PDE4B: variants seen among roughly 807,000 people sequenced by gnomAD.
PDE4B encodes the protein 3',5'-cyclic-AMP phosphodiesterase 4B.
In PDE4B, 20 loss-of-function variants were observed where a neutral mutation model predicts 82.2. The ratio of observed to expected loss-of-function variants is 0.24; its 90% CI spans 0.17 to 0.35. The LOEUF is 0.35. Ranked by LOEUF, PDE4B falls within the 10% of genes least tolerant of loss-of-function variation. PDE4B has a pLI of 1.00. For synonymous variants in PDE4B, 320 were observed against 318.9 expected, an observed-to-expected ratio of 1.00 and a Z score of -0.04; for missense variants, 655 against 907.2, an observed-to-expected ratio of 0.72 and a Z score of 3.57.
At chr1:66,014,524 G>A (rs1652664440) in intron 3 of PDE4B, among the ~76,000 whole-genome samples, 1 of 152,018 alleles carries the variant, frequency 6.6e-6, no homozygotes, top group Non-Finnish European at 1.5e-5. Flanking sequence ...ATCTTTTGCA[G>A]TATGTTTTGT....
At chr1:66,124,372 A>G (rs1645775930) in intron 3 of PDE4B, among the ~76,000 whole-genome samples, 1 of 152,220 alleles carries the variant, frequency 6.6e-6, no homozygotes, top group Admixed American at 6.5e-5. Context: ...TTCTGGTTCT[A>G]GAAAGAACAC....
At chr1:66,320,106 A>T (rs1159081640) in intron 7 of PDE4B, among the ~76,000 whole-genome samples, 1 of 152,148 alleles carries the variant, frequency 6.6e-6, no homozygotes, top group African/African-American at 2.4e-5. Flanking sequence ...CCATTGCCTT[A>T]CCTCATTTTC....
chr1:66,036,026 G>A (rs750003090), intron 3 of PDE4B, among the ~76,000 whole-genome samples: 1 of 152,030 alleles, frequency 6.6e-6, no homozygotes, highest in Non-Finnish European at 1.5e-5. Context: ...CATCTTGATA[G>A]TAGCCACCGT....
At chr1:66,130,384 G>A (rs150165999) in intron 3 of PDE4B, among the ~76,000 whole-genome samples, 192 of 152,254 alleles carry the variant, frequency 1.3e-3, no homozygotes, top group African/African-American at 4.2e-3. Context: ...TTATTTAGTG[G>A]TGAGTGCCAG....
At chr1:65,819,264 AG>A (rs558886582) in intron 1 of PDE4B, among the ~76,000 whole-genome samples, 11 of 152,286 alleles carry the variant, frequency 7.2e-5, no homozygotes, top group South Asian at 6.2e-4. Context: ...AATCTATCAT[AG>A]ATAACCCAAC....
chr1:66,105,318 T>C (rs1270513156), intron 3 of PDE4B, among the ~76,000 whole-genome samples: 2 of 151,702 alleles, frequency 1.3e-5, no homozygotes, highest in East Asian at 1.9e-4. Context: ...TTGGTACCAG[T>C]ACCATGCTAT....
At chr1:65,856,344 C>G (rs367556469) in intron 1 of PDE4B, among the ~76,000 whole-genome samples, 1 of 152,276 alleles carries the variant, frequency 6.6e-6, no homozygotes, top group East Asian at 1.9e-4. Flanking sequence ...GCCCCACCCC[C>G]ACAACAGGCC....
intron 7 of PDE4B, among the ~76,000 whole-genome samples, chr1:66,270,648 C>T (rs1655408807): frequency 6.6e-6 from 1 of 152,202 alleles, no homozygotes; most frequent in Non-Finnish European, 1.5e-5. Context: ...AGAACCTTTG[C>T]TTGGTTTCTA....
intron 1 of PDE4B, among the ~76,000 whole-genome samples, chr1:65,795,480 CTG>C (rs1223733477): frequency 6.6e-6 from 1 of 152,262 alleles, no homozygotes; most frequent in Non-Finnish European, 1.5e-5. Flanking sequence ...ACAGTGGACA[CTG>C]TGATGTGCCA....
intron 3 of PDE4B, among the ~76,000 whole-genome samples, chr1:66,106,394 T>A (rs991881525): frequency 1.3e-5 from 2 of 152,022 alleles, no homozygotes; most frequent in South Asian, 2.1e-4. Context: ...TTGGTCTAAA[T>A]TTCTCTTTTT....
chr1:65,893,691 A>T (rs1646877506), intron 1 of PDE4B, among the ~76,000 whole-genome samples: 1 of 152,102 alleles, frequency 6.6e-6, no homozygotes, highest in Non-Finnish European at 1.5e-5. Flanking sequence ...AAACATGCAC[A>T]CATGTTTATA....
rs751719874 is a variant in PDE4B at position 66,355,583 on chromosome 1, G to C, written c.804G>C (p.Gly268=). ...LTHLSEMSRS[G]NQVSEYISNT... ...ACCTCTCAGAGATGAGCCGATCAGG[G>C]AACCAGGTGTCTGAATACATTTCAA... Residue 268 remains glycine, a synonymous_variant, in exon 9 of 17, where the codon GGG becomes GGC. Coordinates refer to ENST00000341517, the MANE Select transcript of PDE4B (RefSeq NM_002600.4). 6.2e-7 allele frequency: 1 copy of C among 1,611,872 alleles called. No homozygotes were observed. The highest frequency in any genetic ancestry group is 8.5e-7 in the Non-Finnish European group (1 of 1,178,196).
intron 3 of PDE4B, among the ~76,000 whole-genome samples, chr1:66,074,323 T>C (rs535528421): frequency 6.6e-6 from 1 of 152,270 alleles, no homozygotes; most frequent in East Asian, 1.9e-4. Context: ...CAATAATTAT[T>C]TTATCTCCTT....
chr1:66,057,456 T>C (rs969353749), intron 3 of PDE4B, among the ~76,000 whole-genome samples: 4 of 152,184 alleles, frequency 2.6e-5, no homozygotes, highest in African/African-American at 9.7e-5. Context: ...TTTTAAAGAA[T>C]GGAAGCCTTT....
intron 3 of PDE4B, among the ~76,000 whole-genome samples, chr1:66,207,656 G>A (rs950509523): frequency 1.3e-4 from 20 of 152,044 alleles, no homozygotes; most frequent in Non-Finnish European, 4.4e-5. Flanking sequence ...TACACAAAGG[G>A]GAAAAAAACT....
intron 3 of PDE4B, among the ~76,000 whole-genome samples, chr1:66,062,545 C>T (rs1266290538): frequency 2.0e-5 from 3 of 151,968 alleles, no homozygotes. Flanking sequence ...CAAAGAGCTT[C>T]CCAACAAATA....
At chr1:66,029,558 A>T (rs1653642758) in intron 3 of PDE4B, among the ~76,000 whole-genome samples, 2 of 152,318 alleles carry the variant, frequency 1.3e-5, no homozygotes, top group East Asian at 1.9e-4. Flanking sequence ...AAAATGAAAG[A>T]TGAAGAGTCT....
chr1:66,229,199 T>C (rs12726583), intron 3 of PDE4B, among the ~76,000 whole-genome samples: 92,986 of 150,708 alleles, frequency 0.62, 29,432 homozygotes, highest in African/African-American at 0.73. Context: ...TTAGCAGAGA[T>C]GGGGTTTCAC....
chr1:66,062,031 T>C (rs1331549475), intron 3 of PDE4B, among the ~76,000 whole-genome samples: 1 of 152,136 alleles, frequency 6.6e-6, no homozygotes, highest in East Asian at 1.9e-4. Flanking sequence ...ATTTCCCAAA[T>C]GGATCTTTGC....
Sources: allele counts gnomAD v4.1 joint callset (sites outside exome capture counted in the v4.1 genomes callset), GRCh38; gene constraint gnomAD v4.1.1; transcripts MANE v1.5; gene names NCBI Gene and HGNC (gene_info 2026-07-23, HGNC 2026-07-21).